MEI4: variants seen among roughly 807,000 people sequenced by gnomAD.
The protein encoded by MEI4 is meiosis-specific protein MEI4.
A neutral mutation model predicts 31.4 loss-of-function variants in MEI4; 27 were observed. The observed-to-expected ratio is 0.86, with a 90% CI of 0.63 to 1.19. The LOEUF (loss-of-function observed/expected upper bound fraction) is 1.19, where lower values mean the gene tolerates loss of function less well. MEI4 is among the 50% of genes most tolerant of loss of function. MEI4 has a pLI of 0.00. For synonymous variants in MEI4, 122 were observed against 145.4 expected (o/e 0.84, Z 1.16); for missense variants, 329 against 398.9 (o/e 0.82, Z 1.49).
chr6:77,668,662 C>A (rs950030824), intron 1 of MEI4, among the ~76,000 whole-genome samples: 4 of 152,038 alleles, frequency 2.6e-5, no homozygotes, highest in Non-Finnish European at 5.9e-5. Flanking sequence ...ACTGTCTGAG[C>A]CTCTGTTGAT....
In MEI4 at chr6:77,925,964, G is replaced by A. The variant is rs1030527381; in HGVS notation, c.*2618G>A. On this transcript the variant is annotated 3_prime_UTR_variant, in exon 5 of 5. Transcript: ENST00000684080. ...CCAGCACCTGTAATGAGAAAGGTAC[G>A]ATTATTTCCTGAATCTGTATTTTAG... 2.0e-5 allele frequency: 3 copies of A among 151,714 alleles called. No homozygotes were observed. Among genetic ancestry groups the A allele is most frequent in the Admixed American group, 1.3e-4 (2 of 15,180 alleles). 9.4% of individuals were successfully genotyped at this position (151,714 alleles called of 1,614,324 possible).
intron 1 of MEI4, among the ~76,000 whole-genome samples, chr6:77,669,290 A>C (rs1206991814): frequency 6.6e-6 from 1 of 152,166 alleles, no homozygotes; most frequent in Admixed American, 6.6e-5. Flanking sequence ...ACACAGATGA[A>C]GATTGTTAAA....
intron 3 of MEI4, among the ~76,000 whole-genome samples, chr6:77,772,358 A>G (rs1488923851): frequency 6.6e-6 from 1 of 152,076 alleles, no homozygotes; most frequent in East Asian, 1.9e-4. Context: ...CACATTAAAA[A>G]GGTCATTCAT....
chr6:77,846,344 C>A (rs541273403), intron 4 of MEI4, among the ~76,000 whole-genome samples: 1 of 151,970 alleles, frequency 6.6e-6, no homozygotes, highest in African/African-American at 2.4e-5. Flanking sequence ...ATGTGTTTAT[C>A]TTTTTATCTT....
At chr6:77,658,411 C>T (rs903662189) in intron 1 of MEI4, among the ~76,000 whole-genome samples, 33 of 152,220 alleles carry the variant, frequency 2.2e-4, no homozygotes, top group African/African-American at 7.9e-4. Flanking sequence ...TGGATGTATA[C>T]GTGCAAGTCA....
At chr6:77,864,360 G>C (rs2127722439) in intron 4 of MEI4, among the ~76,000 whole-genome samples, 1 of 152,192 alleles carries the variant, frequency 6.6e-6, no homozygotes, top group East Asian at 1.9e-4. Context: ...GACACACATA[G>C]GCTCAAAATA....
chr6:77,855,965 T>C (rs185180164), intron 4 of MEI4, among the ~76,000 whole-genome samples: 1 of 152,282 alleles, frequency 6.6e-6, no homozygotes, highest in African/African-American at 2.4e-5. Flanking sequence ...ACCTCATAAA[T>C]ATATACAAGA....
intron 3 of MEI4, among the ~76,000 whole-genome samples, chr6:77,807,476 C>T (rs1190916688): frequency 1.3e-5 from 2 of 152,018 alleles, no homozygotes; most frequent in Non-Finnish European, 2.9e-5. Flanking sequence ...CCAGTCTTAA[C>T]AATAGACATT....
At chr6:77,816,646 G>T (rs906694341) in intron 3 of MEI4, among the ~76,000 whole-genome samples, 1 of 152,062 alleles carries the variant, frequency 6.6e-6, no homozygotes, top group Non-Finnish European at 1.5e-5. Flanking sequence ...AATCCTTTGG[G>T]TATATACCCA....
At chr6:77,833,391 T>G (rs1770130476) in intron 4 of MEI4, among the ~76,000 whole-genome samples, 1 of 152,156 alleles carries the variant, frequency 6.6e-6, no homozygotes, top group Non-Finnish European at 1.5e-5. Flanking sequence ...AATTTTTATA[T>G]GAATTTTATT....
chr6:77,654,588 C>T (rs1768357590), intron 1 of MEI4, among the ~76,000 whole-genome samples: 2 of 85,346 alleles, frequency 2.3e-5, no homozygotes, highest in Admixed American at 1.2e-4. Flanking sequence ...AATAAAAGTA[C>T]TACTACTGTT....
intron 1 of MEI4, among the ~76,000 whole-genome samples, chr6:77,666,501 A>G (rs1003101936): frequency 6.6e-5 from 10 of 152,142 alleles, no homozygotes; most frequent in Admixed American, 2.6e-4. Context: ...ATAAGAGTTC[A>G]TAGGGATCAC....
chr6:77,731,102 C>T (rs1235031881), intron 2 of MEI4, among the ~76,000 whole-genome samples: 9 of 151,918 alleles, frequency 5.9e-5, no homozygotes, highest in Non-Finnish European at 1.2e-4. Context: ...GTGCATGTGT[C>T]TTTATAGCAG....
intron 2 of MEI4, among the ~76,000 whole-genome samples, chr6:77,740,923 C>T (rs1284963421): frequency 6.6e-6 from 1 of 152,026 alleles, no homozygotes; most frequent in Non-Finnish European, 1.5e-5. Context: ...TGAAGAACCT[C>T]GTCTTTACAA....
intron 3 of MEI4, among the ~76,000 whole-genome samples, chr6:77,796,053 T>C (rs1769066540): frequency 6.6e-6 from 1 of 152,152 alleles, no homozygotes; most frequent in Non-Finnish European, 1.5e-5. Context: ...GATCCTATTC[T>C]ATGATAGGGT....
intron 3 of MEI4, among the ~76,000 whole-genome samples, chr6:77,780,086 T>C (rs958151341): frequency 6.6e-6 from 1 of 152,176 alleles, no homozygotes; most frequent in Non-Finnish European, 1.5e-5. Flanking sequence ...GCTGACTACA[T>C]GCAGGGTTGG....
rs1263599148 is a variant in MEI4 at position 77,926,030 on chromosome 6, G to A, written c.*2684G>A. The A allele has an allele frequency of 1.3e-5, 2 of 151,732 alleles. No individual in the cohort carries two copies. The highest frequency in any genetic ancestry group is 4.1e-4 in the South Asian group (2 of 4,832). The allele number at this position is 151,732 out of a possible 1,614,324, so 9.4% of individuals were successfully genotyped here. On this transcript the variant is annotated 3_prime_UTR_variant, in exon 5 of 5. Transcript: ENST00000684080. ...AACTTGCCCAAGTTCACAACACCAGGAAGTGGCAGTTAGGTTTCATCCTGA... is the reference window on the plus strand; with the variant it reads ...AACTTGCCCAAGTTCACAACACCAGAAAGTGGCAGTTAGGTTTCATCCTGA...
intron 4 of MEI4, among the ~76,000 whole-genome samples, chr6:77,852,585 GT>G (rs58175580): frequency 0.29 from 41,010 of 142,488 alleles, 6,025 homozygotes; most frequent in South Asian, 0.37. Flanking sequence ...GTTGTTGTTT[GT>G]TTTTTTTTTT....
chr6:77,833,608 AT>A, intron 4 of MEI4, among the ~76,000 whole-genome samples: 1 of 152,164 alleles, frequency 6.6e-6, no homozygotes, highest in African/African-American at 2.4e-5. Flanking sequence ...ACATATGTGG[AT>A]TTTTTTGTAT....
Sources: gnomAD v4.1 joint callset for allele counts (sites outside exome capture counted in the v4.1 genomes callset) on GRCh38, gnomAD v4.1.1 for gene constraint, MANE v1.5 for transcripts, NCBI Gene and HGNC (gene_info 2026-07-23, HGNC 2026-07-21) for gene names.